The following BRINP3 variants were observed in gnomAD, a reference collection of about 807,000 sequenced individuals.
The protein encoded by BRINP3 is BMP/retinoic acid-inducible neural-specific protein 3.
BRINP3 carries 19 observed loss-of-function variants against 71.0 expected under a neutral mutation model. The ratio of observed to expected loss-of-function variants is 0.27; its 90% CI spans 0.19 to 0.39. The LOEUF is 0.39. Ranked by LOEUF, BRINP3 falls within the 10% of genes least tolerant of loss-of-function variation. The pLI is 1.00. For synonymous variants in BRINP3, 380 were observed against 337.7 expected (o/e 1.13, Z -1.37); for missense variants, 959 against 940.8 (o/e 1.02, Z -0.25).
intron 2 of BRINP3, among the ~76,000 whole-genome samples, chr1:190,294,011 G>A (rs1470990960): frequency 4.0e-5 from 6 of 151,714 alleles, no homozygotes; most frequent in African/African-American, 7.3e-5. Context: ...GGAACATTTA[G>A]TCTATTTATA....
chr1:190,461,449 T>A (rs1034224633), intron 1 of BRINP3, among the ~76,000 whole-genome samples: 6 of 152,190 alleles, frequency 3.9e-5, no homozygotes, highest in Non-Finnish European at 8.8e-5. Context: ...CTCCCATTAC[T>A]TTCCCTATGA....
At chr1:190,303,301 T>C (rs1419025198) in intron 2 of BRINP3, among the ~76,000 whole-genome samples, 1 of 151,776 alleles carries the variant, frequency 6.6e-6, no homozygotes, top group Non-Finnish European at 1.5e-5. Context: ...TCCAATGTTT[T>C]ATAGAAAAGA....
intron 2 of BRINP3, among the ~76,000 whole-genome samples, chr1:190,429,342 T>C (rs924612337): frequency 6.6e-6 from 1 of 152,176 alleles, no homozygotes; most frequent in Non-Finnish European, 1.5e-5. Flanking sequence ...GGTTTTTACA[T>C]AATTTGGAAA....
At chr1:190,292,396 G>T (rs1457509145) in intron 2 of BRINP3, among the ~76,000 whole-genome samples, 2 of 152,144 alleles carry the variant, frequency 1.3e-5, no homozygotes, top group African/African-American at 4.8e-5. Context: ...GCTCATGCCT[G>T]TAATCCTGAA....
intron 6 of BRINP3, among the ~76,000 whole-genome samples, chr1:190,197,928 C>T (rs1654636425): frequency 6.6e-6 from 1 of 152,072 alleles, no homozygotes; most frequent in Admixed American, 6.5e-5. Context: ...ACAGAGGGTC[C>T]CCATAATGGC....
chr1:190,139,517 G>A (rs1655259272), intron 7 of BRINP3, among the ~76,000 whole-genome samples: 1 of 151,292 alleles, frequency 6.6e-6, no homozygotes, highest in Non-Finnish European at 1.5e-5. Flanking sequence ...TGACATTTGA[G>A]TGTCTGACTT....
intron 6 of BRINP3, among the ~76,000 whole-genome samples, chr1:190,179,867 T>C (rs959494415): frequency 6.6e-6 from 1 of 152,164 alleles, no homozygotes; most frequent in Non-Finnish European, 1.5e-5. Flanking sequence ...CTCTGCACTA[T>C]CACTCAGCAA....
intron 4 of BRINP3, among the ~76,000 whole-genome samples, chr1:190,252,961 G>A (rs1571517494): frequency 1.3e-5 from 2 of 152,128 alleles, no homozygotes; most frequent in East Asian, 1.9e-4. Context: ...ACCCCAGGGT[G>A]TGATGTTCCC....
chr1:190,413,415 A>G (rs956733769), intron 2 of BRINP3, among the ~76,000 whole-genome samples: 2 of 152,366 alleles, frequency 1.3e-5, no homozygotes, highest in South Asian at 4.1e-4. Context: ...TTAAAAGGAA[A>G]AAGTGTCTTT....
intron 2 of BRINP3, among the ~76,000 whole-genome samples, chr1:190,311,421 T>C (rs1400455641): frequency 6.6e-6 from 1 of 151,608 alleles, no homozygotes; most frequent in Non-Finnish European, 1.5e-5. Flanking sequence ...TAAGGAGATA[T>C]ATAATCAATT....
At chr1:190,248,684 A>G (rs1378183006) in intron 4 of BRINP3, among the ~76,000 whole-genome samples, 1 of 151,806 alleles carries the variant, frequency 6.6e-6, no homozygotes. Flanking sequence ...AACATAGTAC[A>G]TATATTCAGA....
chr1:190,397,277 C>A (rs2102337403), intron 2 of BRINP3, among the ~76,000 whole-genome samples: 1 of 152,102 alleles, frequency 6.6e-6, no homozygotes, highest in African/African-American at 2.4e-5. Context: ...CTACTATCAC[C>A]AAGCCTCCAT....
chr1:190,211,550 T>C (rs1655992325), intron 6 of BRINP3, among the ~76,000 whole-genome samples: 1 of 152,114 alleles, frequency 6.6e-6, no homozygotes, highest in Admixed American at 6.6e-5. Flanking sequence ...TGATAGGTAA[T>C]GTATCTTCTA....
chr1:190,446,094 G>C (rs919940183), intron 2 of BRINP3, among the ~76,000 whole-genome samples: 11 of 151,864 alleles, frequency 7.2e-5, no homozygotes, highest in Non-Finnish European at 1.2e-4. Context: ...GTGGATTATA[G>C]TTTCTAAACT....
intron 6 of BRINP3, among the ~76,000 whole-genome samples, chr1:190,205,552 G>C (rs1013038546): frequency 6.6e-6 from 1 of 152,054 alleles, no homozygotes; most frequent in African/African-American, 2.4e-5. Flanking sequence ...CATTAAGCAG[G>C]TCAGAAGCAG....
At chr1:190,433,823 C>T (rs1674266616) in intron 2 of BRINP3, among the ~76,000 whole-genome samples, 1 of 152,096 alleles carries the variant, frequency 6.6e-6, no homozygotes, top group African/African-American at 2.4e-5. Context: ...TGCTAATTAA[C>T]ATGTTAAATT....
At chr1:190,312,036 A>AATAAAT (rs1665561309) in intron 2 of BRINP3, among the ~76,000 whole-genome samples, 1 of 68,296 alleles carries the variant, frequency 1.5e-5, no homozygotes, top group African/African-American at 4.7e-5. Context: ...TGAAAAGTCA[A>AATAAAT]ATATATATAT....
chr1:190,236,039 A>T (rs1217059334), intron 4 of BRINP3, among the ~76,000 whole-genome samples: 1 of 152,018 alleles, frequency 6.6e-6, no homozygotes, highest in Admixed American at 6.6e-5. Context: ...AGGAGGAAAC[A>T]TAAGGAGAAA....
chr1:190,426,643 C>A (rs1450274934), intron 2 of BRINP3, among the ~76,000 whole-genome samples: 1 of 151,742 alleles, frequency 6.6e-6, no homozygotes, highest in Non-Finnish European at 1.5e-5. Flanking sequence ...ATTTGGTTGT[C>A]TCTGGTGGTA....
Sources: allele counts gnomAD v4.1 joint callset (sites outside exome capture counted in the v4.1 genomes callset), GRCh38; gene constraint gnomAD v4.1.1; transcripts MANE v1.5; gene names NCBI Gene and HGNC (gene_info 2026-07-23, HGNC 2026-07-21).